RIMBP2: variants seen among roughly 807,000 people sequenced by gnomAD.
The protein encoded by RIMBP2 is RIMS-binding protein 2.
RIMBP2 carries 48 observed loss-of-function variants against 118.6 expected under a neutral mutation model. The ratio of observed to expected loss-of-function variants is 0.40; its 90% confidence interval spans 0.32 to 0.51. The LOEUF is 0.51. RIMBP2 is among the 20% of genes least tolerant of loss of function. The probability of loss-of-function intolerance (pLI) is 0.41; values close to 1 mark genes in which losing one functional copy is unlikely to be tolerated. For synonymous variants in RIMBP2, 762 were observed against 742.9 expected, an observed-to-expected ratio of 1.03 and a Z score of -0.42; for missense variants, 1,551 against 1,768.3, an observed-to-expected ratio of 0.88 and a Z score of 2.20.
intron 4 of RIMBP2, among the ~76,000 whole-genome samples, chr12:130,481,210 A>AGGGCGGGGGGCACC (rs1289278749): frequency 4.5e-5 from 4 of 88,102 alleles, no homozygotes; most frequent in Admixed American, 1.4e-4. Flanking sequence ...GAGGAGGCAG[A>AGGGCGGGGGGCACC]CAGGCTGATT....
At chr12:130,401,521 T>A (rs768147407) in intron 21 of RIMBP2, among the ~76,000 whole-genome samples, 3 of 151,790 alleles carry the variant, frequency 2.0e-5, no homozygotes, top group East Asian at 1.9e-4. Context: ...AGGTGCACAC[T>A]CACTGCCCTG....
Position 130,578,201 on chromosome 12 carries a change from G to C in RIMBP2, c.-217+50121C>G, listed in dbSNP as rs1839485564. ...AGCTGATGAGGAGGCATGGGTCAGGGCCTGAGCTGGGGCAGAAGCTCAGAG... is the reference window on the plus strand; with the variant it reads ...AGCTGATGAGGAGGCATGGGTCAGGCCCTGAGCTGGGGCAGAAGCTCAGAG... On this transcript the variant is annotated intron_variant, in intron 2 of 22. Coordinates refer to ENST00000690449, the MANE Select transcript of RIMBP2 (RefSeq NM_001393629.1). This position sits in a 1 kb window ranked among gnomAD's most constrained non-coding sequence, Gnocchi z 4.1. Among the ~76,000 whole-genome samples the C allele has an allele frequency of 6.6e-6, 1 of 152,196 alleles. No individual in the cohort carries two copies. The highest frequency in any genetic ancestry group is 6.5e-5 in the Admixed American group (1 of 15,280).
intron 2 of RIMBP2, among the ~76,000 whole-genome samples, chr12:130,550,876 C>T (rs1246889383): frequency 6.6e-6 from 1 of 152,198 alleles, no homozygotes; most frequent in Non-Finnish European, 1.5e-5. Context: ...CATTTATGGA[C>T]TGTAAGTGAC....
chr12:130,597,815 T>C (rs1017861329), intron 2 of RIMBP2, among the ~76,000 whole-genome samples: 2 of 152,238 alleles, frequency 1.3e-5, no homozygotes, highest in African/African-American at 4.8e-5. Context: ...GCTTTCTCCC[T>C]AAGATTGGAC....
At position 130,620,726 on chromosome 12, in the gene RIMBP2, G is replaced by A. The variant is rs1035681090; in HGVS notation, c.-217+7596C>T. Among the ~76,000 whole-genome samples, 4 of 152,208 alleles carry A rather than the reference G, an allele frequency of 2.6e-5. No individual in the cohort carries two copies. Among genetic ancestry groups the A allele is most frequent in the African/African-American group, 9.6e-5 (4 of 41,458 alleles). ...AATCCCCCTCTCTGTAAGGACACCA[G>A]TCATAGTAGATTAAGGCCTAATCTA... is the stretch of plus-strand genomic sequence containing the variant. On this transcript the variant is annotated intron_variant, in intron 2 of 22. Coordinates refer to ENST00000690449, the MANE Select transcript of RIMBP2 (RefSeq NM_001393629.1). This position sits in a 1 kb window ranked among gnomAD's most constrained non-coding sequence, Gnocchi z 5.3.
intron 13 of RIMBP2, 88 bp downstream of exon 13, chr12:130,436,754 C>A: frequency 9.0e-6 from 10 of 1,110,780 alleles, no homozygotes; most frequent in Non-Finnish European, 1.2e-5. Context: ...GGATGCGGGT[C>A]CCCCTCCATG....
intron 1 of RIMBP2, 97 bp downstream of exon 1, chr12:130,716,124 GC>G (rs1950312924): frequency 6.6e-6 from 1 of 152,170 alleles, no homozygotes; most frequent in African/African-American, 2.4e-5. Context: ...AGAGTTTCCG[GC>G]TAACCCCCTG....
Position 130,617,685 on chromosome 12 carries a change from G to T in RIMBP2, c.-217+10637C>A, listed in dbSNP as rs573332041. 6.6e-6 allele frequency among the ~76,000 whole-genome samples: 1 copy of T among 152,306 alleles called. No homozygotes were observed. The highest frequency in any genetic ancestry group is 1.5e-5 in the Non-Finnish European group (1 of 68,028). ...TTGGGCTGAGTGTCTATGACCTGAC[G>T]CTAAGCAGCCCAGCACCTTCAGTCC... is the stretch of plus-strand genomic sequence containing the variant. On this transcript the variant is annotated intron_variant, in intron 2 of 22. Transcript: ENST00000690449. The surrounding 1 kb of genome is among the most constrained non-coding windows in gnomAD (Gnocchi z 4.6).
intron 2 of RIMBP2, among the ~76,000 whole-genome samples, chr12:130,588,316 C>T (rs1406461690): frequency 6.6e-6 from 1 of 152,210 alleles, no homozygotes; most frequent in African/African-American, 2.4e-5. Context: ...CTGTTTAGCT[C>T]ATTTTGTAAT....
intron 6 of RIMBP2, chr12:130,464,945 T>C (rs550043125): frequency 2.0e-5 from 3 of 152,386 alleles, no homozygotes; most frequent in African/African-American, 7.2e-5. Context: ...ATGGTTCCAT[T>C]TTAGTTTCTT....
chr12:130,476,054 G>A (rs962257304), intron 5 of RIMBP2, among the ~76,000 whole-genome samples: 3 of 152,110 alleles, frequency 2.0e-5, no homozygotes, highest in African/African-American at 7.2e-5. Flanking sequence ...AGACTGAGAA[G>A]GGATGTGACT....
intron 1 of RIMBP2, among the ~76,000 whole-genome samples, chr12:130,647,290 G>C (rs980217523): frequency 1.3e-5 from 2 of 152,168 alleles, no homozygotes; most frequent in African/African-American, 4.8e-5. Context: ...TTGAACCCGG[G>C]GGGTGGAGGT....
At position 130,412,797 on chromosome 12, in the gene RIMBP2, AG is replaced by A. The variant is rs1565994151; in HGVS notation, c.3421-11del. 2 of 1,605,640 alleles carry A rather than the reference AG, an allele frequency of 1.2e-6. No homozygotes were observed. Among genetic ancestry groups the A allele is most frequent in the Non-Finnish European group, 1.7e-6 (2 of 1,176,022 alleles). ...CTTTATCACCATAAACCTAGAGCCA[AG>A]GGGGAAAATAAATCAAGCACTGTAA... is the stretch of plus-strand genomic sequence containing the variant. On this transcript the variant is annotated splice_polypyrimidine_tract_variant and intron_variant, in intron 18 of 22. Coordinates refer to ENST00000690449, the MANE Select transcript of RIMBP2 (RefSeq NM_001393629.1).
chr12:130,409,944 C>T (rs2075567573), intron 19 of RIMBP2, among the ~76,000 whole-genome samples: 1 of 152,190 alleles, frequency 6.6e-6, no homozygotes. Flanking sequence ...ATTGTAAGTG[C>T]ACATATAACT....
intron 4 of RIMBP2, 117 bp downstream of exon 4, chr12:130,506,531 G>T: frequency 1.4e-6 from 1 of 705,680 alleles, no homozygotes; most frequent in Non-Finnish European, 1.7e-6. Flanking sequence ...TCTGAATGTG[G>T]ATGATGGCTT....
At chr12:130,611,952 C>A (rs2060582123) in intron 2 of RIMBP2, among the ~76,000 whole-genome samples, 1 of 152,182 alleles carries the variant, frequency 6.6e-6, no homozygotes, top group African/African-American at 2.4e-5. Context: ...AGGATTGATA[C>A]CCGAAGCAGA....
Position 130,670,584 on chromosome 12 carries a change from C to T in RIMBP2, c.-351-42128G>A, listed in dbSNP as rs937611142. Among the ~76,000 whole-genome samples, 2 of 152,076 alleles carry T rather than the reference C, an allele frequency of 1.3e-5. No homozygotes were observed. Among genetic ancestry groups the T allele is most frequent in the African/African-American group, 4.8e-5 (2 of 41,404 alleles). On this transcript the variant is annotated intron_variant, in intron 1 of 22. Coordinates refer to ENST00000690449, the MANE Select transcript of RIMBP2 (RefSeq NM_001393629.1). The surrounding 1 kb of genome is among the most constrained non-coding windows in gnomAD (Gnocchi z 4.9). ...ACATAAAGTTTACACTTGTTCAGCA[C>T]CATGAAGCCGCCAGTCCGACACCCA... is the stretch of plus-strand genomic sequence containing the variant.
chr12:130,575,640 G>A (rs1400940171), intron 2 of RIMBP2, among the ~76,000 whole-genome samples: 1 of 152,160 alleles, frequency 6.6e-6, no homozygotes, highest in Non-Finnish European at 1.5e-5. Flanking sequence ...TCTCCTCGTC[G>A]TGCAGCGTGC....
chr12:130,585,223 G>A (rs1473070629), intron 2 of RIMBP2, among the ~76,000 whole-genome samples: 1 of 152,134 alleles, frequency 6.6e-6, no homozygotes, highest in African/African-American at 2.4e-5. Context: ...ACCATTATAA[G>A]CCGTGGGTGT....
Sources: allele counts gnomAD v4.1 joint callset (sites outside exome capture counted in the v4.1 genomes callset), GRCh38; gene constraint gnomAD v4.1.1; non-coding constraint Gnocchi (gnomAD v3.1); transcripts MANE v1.5; gene names NCBI Gene and HGNC (gene_info 2026-07-23, HGNC 2026-07-21).